Variants in P2RY2 observed in about 807,000 individuals in gnomAD.
P2RY2 encodes purinergic receptor P2Y2.
For missense variants in P2RY2, 567 were observed against 515.7 expected (o/e 1.10, Z -0.96); for synonymous variants, 241 against 231.9 (o/e 1.04, Z -0.35).
At chr11:73,219,287 T>C (rs1862054053) in intron 1 of P2RY2, among the ~76,000 whole-genome samples, 1 of 152,150 alleles carries the variant, frequency 6.6e-6, no homozygotes, top group South Asian at 2.1e-4. Flanking sequence ...CAGGCAAGTT[T>C]ATTACCTGTG....
intron 2 of P2RY2, among the ~76,000 whole-genome samples, chr11:73,230,691 T>C (rs1365730618): frequency 1.3e-5 from 2 of 151,932 alleles, no homozygotes; most frequent in Non-Finnish European, 2.9e-5. Context: ...GAACTCCAGG[T>C]AGAAGAAGCA....
In P2RY2 at chr11:73,241,911, C is replaced by A. The variant is rs1862782376; in HGVS notation, c.*6618C>A. 1 of 152,320 alleles carries A rather than the reference C, an allele frequency of 6.6e-6. No homozygotes were observed. The highest frequency in any genetic ancestry group is 2.4e-5 in the African/African-American group (1 of 41,432). 9.4% of individuals were successfully genotyped at this position (152,320 alleles called of 1,614,324 possible). A position where few individuals can be genotyped will look rare whatever the true frequency, so the allele number is the denominator to read the frequency against. On this transcript the variant is annotated 3_prime_UTR_variant, in exon 3 of 3. Coordinates refer to ENST00000393597, the MANE Select transcript of P2RY2 (RefSeq NM_002564.4). ...ATTAGAGTGTGCAACGTCTTTCCTG[C>A]TGGGACTCTGACTGATACCCTGGTC...
intron 1 of P2RY2, among the ~76,000 whole-genome samples, chr11:73,223,715 G>C (rs1248715227): frequency 6.6e-6 from 1 of 152,172 alleles, no homozygotes; most frequent in African/African-American, 2.4e-5. Flanking sequence ...AGGTTGGGGT[G>C]GTGTCCAGGA....
intron 1 of P2RY2, 123 bp downstream of exon 1, chr11:73,218,555 C>A (rs959078816): frequency 2.5e-4 from 38 of 152,546 alleles, no homozygotes; most frequent in African/African-American, 7.2e-4. Flanking sequence ...GGCTGTCGCC[C>A]CGGGGCACAG....
At chr11:73,231,118 C>T (rs181802597) in intron 2 of P2RY2, among the ~76,000 whole-genome samples, 57 of 152,308 alleles carry the variant, frequency 3.7e-4, no homozygotes, top group Admixed American at 3.4e-3. Flanking sequence ...CCGGCCTCCT[C>T]GCCCTGGTTT....
At chr11:73,231,392 CAAAAA>C (rs201697252) in intron 2 of P2RY2, among the ~76,000 whole-genome samples, 2 of 110,536 alleles carry the variant, frequency 1.8e-5, no homozygotes. Context: ...CTAAAAAATA[CAAAAA>C]AAAAAAAAAA....
rs1181381845 is a variant in P2RY2, at chr11:73,230,632, G to A, written c.-5+2457G>A. Among the ~76,000 whole-genome samples, 5 of 152,228 alleles carry A rather than the reference G, an allele frequency of 3.3e-5. No homozygotes were observed. The South Asian group carries it at 1.0e-3, about 32-fold the overall frequency. Reference sequence around the variant, plus strand: ...TCTTAATCACTGGGTTCTCTGCACTGAGGGATAAAGAGCCGTGAGTTTAAC... The same window carrying A: ...TCTTAATCACTGGGTTCTCTGCACTAAGGGATAAAGAGCCGTGAGTTTAAC... On this transcript the variant is annotated intron_variant, in intron 2 of 2. Coordinates refer to ENST00000393597, the MANE Select transcript of P2RY2 (RefSeq NM_002564.4).
chr11:73,222,341 G>T (rs953168341), intron 1 of P2RY2, among the ~76,000 whole-genome samples: 6 of 151,930 alleles, frequency 3.9e-5, no homozygotes, highest in African/African-American at 1.5e-4. Context: ...CAAGGGACCT[G>T]CTCCTCTCAT....
intron 2 of P2RY2, among the ~76,000 whole-genome samples, chr11:73,232,072 CAAAT>C (rs1156536537): frequency 1.3e-5 from 2 of 152,024 alleles, no homozygotes; most frequent in African/African-American, 4.8e-5. Context: ...TAAAAATAAA[CAAAT>C]AAAATAAAAT....
chr11:73,232,206 G>GA (rs969918745), intron 2 of P2RY2, among the ~76,000 whole-genome samples: 7 of 152,056 alleles, frequency 4.6e-5, no homozygotes, highest in Admixed American at 4.6e-4. Flanking sequence ...CTCTGCTAGA[G>GA]AGCCACTTGC....
chr11:73,231,220 G>C (rs1862445837), intron 2 of P2RY2, among the ~76,000 whole-genome samples: 1 of 152,066 alleles, frequency 6.6e-6, no homozygotes, highest in Non-Finnish European at 1.5e-5. Flanking sequence ...GCTGACAATA[G>C]GAGAAAGAGA....
intron 1 of P2RY2, among the ~76,000 whole-genome samples, chr11:73,226,173 T>G (rs1862272684): frequency 6.6e-6 from 1 of 152,158 alleles, no homozygotes. Flanking sequence ...GTGGTGGGCT[T>G]CCAGCAGGGT....
At chr11:73,233,972 G>A in intron 2 of P2RY2, 184 bp from the exon 3 acceptor site, 1 of 685,568 alleles carries the variant, frequency 1.5e-6, no homozygotes, top group African/African-American at 1.8e-5. Flanking sequence ...TCTCAAGTTT[G>A]ACAATTGTGT....
chr11:73,237,794 G>A lies in P2RY2; in HGVS notation c.*2501G>A, dbSNP rs975971652. On this transcript the variant is annotated 3_prime_UTR_variant, in exon 3 of 3. Transcript: ENST00000393597. ...CAGTGCCCAGGCCACTTGCCTTGTG[G>A]GTGAAGTTCCTGCCCTGATGCCTCA... Among the ~76,000 whole-genome samples the A allele has an allele frequency of 1.3e-5, 2 of 152,146 alleles. No homozygotes were observed. The highest frequency in any genetic ancestry group is 4.8e-5 in the African/African-American group (2 of 41,412).
Position 73,237,185 on chromosome 11 carries a change from A to G in P2RY2, c.*1892A>G. 1 of 826,316 alleles carries G rather than the reference A, an allele frequency of 1.2e-6. No individual in the cohort carries two copies. The highest frequency in any genetic ancestry group is 1.5e-6 in the Non-Finnish European group (1 of 684,612). The allele number at this position is 826,316 out of a possible 1,614,324, so 51.2% of individuals were successfully genotyped here. ...TGGGTGACCTGCCCAGAATAGTGTG[A>G]GCTATTCACCTCTCACCTTCTAGGT... On this transcript the variant is annotated 3_prime_UTR_variant, in exon 3 of 3. Transcript: ENST00000393597.
At position 73,237,669 on chromosome 11, in the gene P2RY2, A is replaced by G. The variant is rs1862686863; in HGVS notation, c.*2376A>G. Among the ~76,000 whole-genome samples, 1 of 152,198 alleles carries G rather than the reference A, an allele frequency of 6.6e-6. No homozygotes were observed. The highest frequency in any genetic ancestry group is 6.5e-5 in the Admixed American group (1 of 15,284). On this transcript the variant is annotated 3_prime_UTR_variant, in exon 3 of 3. Coordinates refer to ENST00000393597, the MANE Select transcript of P2RY2 (RefSeq NM_002564.4). ...CACCATCTAATCCTGTGGCAGGCAC[A>G]GGTGGGGGTGGATACTGGAGACCCT...
intron 1 of P2RY2, among the ~76,000 whole-genome samples, chr11:73,221,056 G>A (rs1214520432): frequency 6.6e-6 from 1 of 152,172 alleles, no homozygotes; most frequent in Admixed American, 6.5e-5. Flanking sequence ...TAGTGACCAG[G>A]GAAGAGCTTT....
rs771009287 is a variant in P2RY2 at position 73,238,122 on chromosome 11, G to T, written c.*2829G>T. 1.3e-5 allele frequency among the ~76,000 whole-genome samples: 2 copies of T among 152,192 alleles called. No homozygotes were observed. Among genetic ancestry groups the T allele is most frequent in the Non-Finnish European group, 1.5e-5 (1 of 68,024 alleles). ...GCCCAAGGTCATTCAGCAGGTCAGC[G>T]TGGCGCCTGGATGTAAGCAAGTGCC... On this transcript the variant is annotated 3_prime_UTR_variant, in exon 3 of 3. Transcript: ENST00000393597.
At position 73,234,968 on chromosome 11, in the gene P2RY2, C is replaced by G. The variant is rs1345687145; in HGVS notation, c.809C>G (p.Ser270Cys). The change falls in exon 3 of 3, where the codon TCC (serine) becomes TGC (cysteine). Residue 270 changes from serine (S) to cysteine (C), a missense_variant. Physicochemically the swap from Ser to Cys is moderately radical, Grantham distance 112 (BLOSUM62 -1). Transcript: ENST00000393597. ...PFHVTRTLYY[S>C]FRSLDLSCHT... ...CACGTCACCCGCACCCTCTACTACT[C>G]CTTCCGCTCGCTGGACCTCAGCTGC... 6.2e-7 allele frequency: 1 copy of G among 1,610,544 alleles called. No homozygotes were observed. The highest frequency in any genetic ancestry group is 1.7e-5 in the Admixed American group (1 of 60,016).
Sources: gnomAD v4.1 joint callset for allele counts (sites outside exome capture counted in the v4.1 genomes callset) on GRCh38, gnomAD v4.1.1 for gene constraint, MANE v1.5 for transcripts, NCBI Gene and HGNC (gene_info 2026-07-23, HGNC 2026-07-21) for gene names.